The following DROSHA variants were observed in gnomAD, a reference collection of about 807,000 sequenced individuals.
The protein encoded by DROSHA is drosha ribonuclease III.
Under a neutral mutation model 181.9 loss-of-function variants are expected in DROSHA, and 56 were observed. The observed-to-expected ratio is 0.31, with a 90% CI of 0.25 to 0.38. The LOEUF (loss-of-function observed/expected upper bound fraction) is 0.38, where lower values mean the gene tolerates loss of function less well. Ranked by LOEUF, DROSHA falls within the 10% of genes least tolerant of loss-of-function variation. The probability of loss-of-function intolerance (pLI) is 1.00; values close to 1 mark genes in which losing one functional copy is unlikely to be tolerated. For synonymous variants in DROSHA, 524 were observed against 591.2 expected, an observed-to-expected ratio of 0.89 and a Z score of 1.65; for missense variants, 1,218 against 1,743.5, an observed-to-expected ratio of 0.70 and a Z score of 5.37.
intron 11 of DROSHA, among the ~76,000 whole-genome samples, chr5:31,495,667 A>G (rs886180594): frequency 5.3e-5 from 8 of 152,158 alleles, no homozygotes; most frequent in Non-Finnish European, 1.2e-4. Context: ...GTAAATGAGC[A>G]ATTATCATCC....
At chr5:31,422,742 C>A (rs1742917925) in intron 29 of DROSHA, 45 bp downstream of exon 29, 3 of 1,608,060 alleles carry the variant, frequency 1.9e-6, no homozygotes, top group East Asian at 2.2e-5. Context: ...GGGACTGCCT[C>A]ATCTAAATGG....
rs570792887 is a variant in DROSHA, at chr5:31,411,492, C to T, written c.3526-605G>A. On this transcript the variant is annotated intron_variant, in intron 30 of 35. Coordinates refer to ENST00000344624, the MANE Select transcript of DROSHA (RefSeq NM_001382508.1). This position sits in a 1 kb window ranked among gnomAD's most constrained non-coding sequence, Gnocchi z 4.2. ...AGCTTCAAGTTTCACGGCACTGATG[C>T]TAATTTTGATATTATAGGACTTAAG... Among the ~76,000 whole-genome samples the T allele has an allele frequency of 2.0e-4, 31 of 151,998 alleles. No individual in the cohort carries two copies. Among genetic ancestry groups the T allele is most frequent in the South Asian group, 8.3e-4 (4 of 4,796 alleles).
intron 25 of DROSHA, among the ~76,000 whole-genome samples, chr5:31,435,021 A>G (rs1744623695): frequency 6.6e-6 from 1 of 152,250 alleles, no homozygotes; most frequent in African/African-American, 2.4e-5. Flanking sequence ...CTGTGTGCCA[A>G]GGGCTAATGT....
chr5:31,404,743 T>A (rs995842884), intron 35 of DROSHA, among the ~76,000 whole-genome samples: 1 of 152,022 alleles, frequency 6.6e-6, no homozygotes, highest in Admixed American at 6.6e-5. Context: ...CGCATCCCAC[T>A]CCTGGGAACC....
Position 31,423,099 on chromosome 5 carries a change from T to C in DROSHA, c.3262-155A>G, listed in dbSNP as rs562629907. On this transcript the variant is annotated intron_variant, in intron 28 of 35. Coordinates refer to ENST00000344624, the MANE Select transcript of DROSHA (RefSeq NM_001382508.1). ...CATGGAAGCTCGTTTCTCATTTCTT[T>C]GAATGGCAAACAAATCTAATATTTA... 117 of 660,242 alleles carry C rather than the reference T, an allele frequency of 1.8e-4. No homozygotes were observed. In the African/African-American group the frequency reaches 2.0e-3, roughly 11 times the overall value. The allele number at this position is 660,242 out of a possible 1,614,324, so 40.9% of individuals were successfully genotyped here. A position where few individuals can be genotyped will look rare whatever the true frequency, so the allele number is the denominator to read the frequency against.
At chr5:31,529,693 C>T (rs1376175055) in intron 3 of DROSHA, among the ~76,000 whole-genome samples, 1 of 150,522 alleles carries the variant, frequency 6.6e-6, no homozygotes, top group African/African-American at 2.5e-5. Context: ...CGAGATGGCG[C>T]CACTGCATTC....
intron 5 of DROSHA, among the ~76,000 whole-genome samples, chr5:31,525,024 G>A (rs145491852): frequency 6.2e-4 from 94 of 151,822 alleles, no homozygotes; most frequent in Admixed American, 5.0e-3. Flanking sequence ...GTAAAACCCC[G>A]TCTCTACTAA....
intron 20 of DROSHA, among the ~76,000 whole-genome samples, chr5:31,452,006 T>A (rs1747094804): frequency 6.6e-6 from 1 of 152,228 alleles, no homozygotes; most frequent in African/African-American, 2.4e-5. Flanking sequence ...AAAAATCTTC[T>A]TAGAACAAGG....
intron 8 of DROSHA, 52 bp from the exon 9 acceptor site, chr5:31,511,228 CA>C: frequency 6.6e-7 from 1 of 1,525,240 alleles, no homozygotes; most frequent in South Asian, 1.2e-5. Context: ...ACGATCATAT[CA>C]AAGATATGTA....
intron 20 of DROSHA, among the ~76,000 whole-genome samples, chr5:31,453,327 A>C (rs1747254607): frequency 6.6e-6 from 1 of 152,246 alleles, no homozygotes; most frequent in African/African-American, 2.4e-5. Context: ...ACCAAACCCC[A>C]GTAGCTGGGA....
chr5:31,432,661 G>GT (rs1025545149), intron 25 of DROSHA, among the ~76,000 whole-genome samples: 2 of 152,172 alleles, frequency 1.3e-5, no homozygotes, highest in Non-Finnish European at 2.9e-5. Flanking sequence ...GTAGTGAATT[G>GT]TGTTTCCTTT....
intron 28 of DROSHA, 101 bp from the exon 29 acceptor site, chr5:31,423,045 G>A: frequency 8.4e-7 from 1 of 1,197,498 alleles, no homozygotes; most frequent in Non-Finnish European, 1.1e-6. Flanking sequence ...CTTCTCCCAT[G>A]AGCAGAAATT....
intron 20 of DROSHA, among the ~76,000 whole-genome samples, chr5:31,461,316 T>C (rs1375410625): frequency 1.3e-5 from 2 of 152,210 alleles, no homozygotes; most frequent in Non-Finnish European, 2.9e-5. Flanking sequence ...GTGTGATGCA[T>C]GTAAAATACC....
intron 16 of DROSHA, among the ~76,000 whole-genome samples, chr5:31,476,749 TAG>T (rs1186535091): frequency 6.6e-6 from 1 of 152,094 alleles, no homozygotes; most frequent in Non-Finnish European, 1.5e-5. Flanking sequence ...ATCCATAAAT[TAG>T]AGACTCCTGC....
At chr5:31,504,427 A>G in intron 11 of DROSHA, 128 bp downstream of exon 11, 1 of 1,032,214 alleles carries the variant, frequency 9.7e-7, no homozygotes, top group Non-Finnish European at 1.4e-6. Context: ...ATTATCAGTA[A>G]GAGACTATTA....
Position 31,421,259 on chromosome 5 carries a change from T to G in DROSHA, c.3525+13A>C. 6.2e-7 allele frequency: 1 copy of G among 1,602,114 alleles called. No individual in the cohort carries two copies. The highest frequency in any genetic ancestry group is 8.6e-7 in the Non-Finnish European group (1 of 1,169,486). On this transcript the variant is annotated intron_variant, in intron 30 of 35. Transcript: ENST00000344624. ...CAGCAATCTTATTGGAGGAAGTGATTTAACCAACTCACAGTTAAGTGTCCT... is the reference window on the plus strand; with the variant it reads ...CAGCAATCTTATTGGAGGAAGTGATGTAACCAACTCACAGTTAAGTGTCCT...
At chr5:31,468,145 C>T (rs911031709) in intron 17 of DROSHA, 82 bp from the exon 18 acceptor site, 29 of 1,471,676 alleles carry the variant, frequency 2.0e-5, no homozygotes, top group African/African-American at 2.8e-5. Flanking sequence ...AGGAATAAAT[C>T]GGACTTTTTT....
chr5:31,508,660 G>A lies in DROSHA; in HGVS notation c.1548C>T (p.Asp516=). The change falls in exon 10 of 36, where the codon GAC becomes GAT. Residue 516 remains aspartate, a synonymous_variant. Transcript: ENST00000344624. The stretch of plus-strand genomic sequence containing the variant: ...TGTACCAAAGTTCATCATGAAGTCG[G>A]TCAGGGTGGGCCTTTTTGCGTTTGA... The part of the protein sequence containing the change: ...AEIKRKKAHP[D]RLHDELWYND... The A allele has an allele frequency of 1.2e-6, 2 of 1,613,932 alleles. No homozygotes were observed. The highest frequency in any genetic ancestry group is 2.2e-5 in the South Asian group (2 of 91,076).
intron 30 of DROSHA, among the ~76,000 whole-genome samples, chr5:31,417,862 A>T (rs1228744501): frequency 6.6e-6 from 1 of 152,166 alleles, no homozygotes; most frequent in Non-Finnish European, 1.5e-5. Context: ...TACAGCATGT[A>T]AAATGGATTG....
Sources: allele counts gnomAD v4.1 joint callset (sites outside exome capture counted in the v4.1 genomes callset), GRCh38; gene constraint gnomAD v4.1.1; non-coding constraint Gnocchi (gnomAD v3.1); transcripts MANE v1.5; gene names NCBI Gene and HGNC (gene_info 2026-07-23, HGNC 2026-07-21).